PRRC2B: variants seen among roughly 807,000 people sequenced by gnomAD.
The protein encoded by PRRC2B is protein PRRC2B.
PRRC2B carries 68 observed loss-of-function variants against 242.3 expected under a neutral mutation model. That is an observed-to-expected ratio of 0.28 (90% CI 0.23 to 0.34). The LOEUF is 0.34. Ranked by LOEUF, PRRC2B falls within the 10% of genes least tolerant of loss-of-function variation. The pLI is 1.00. For synonymous variants in PRRC2B, 1,228 were observed against 1,173.6 expected (o/e 1.05, Z -0.95); for missense variants, 2,835 against 2,954.8 (o/e 0.96, Z 0.94).
chr9:131,462,470 C>T (rs1281528856), intron 11 of PRRC2B, among the ~76,000 whole-genome samples: 1 of 151,818 alleles, frequency 6.6e-6, no homozygotes, highest in African/African-American at 2.4e-5. Context: ...ACCTCGGCCT[C>T]CCAAAGTGCT....
At position 131,378,731 on chromosome 9, in the gene PRRC2B, T is replaced by G. The variant is rs572762404; in HGVS notation, c.-56+5000T>G. Among the ~76,000 whole-genome samples the G allele has an allele frequency of 1.4e-4, 22 of 152,306 alleles. 1 individual carries two copies. Among genetic ancestry groups the G allele is most frequent in the Admixed American group, 1.2e-3 (18 of 15,282 alleles). On this transcript the variant is annotated intron_variant, in intron 1 of 1. Transcript: ENST00000682525. ...TTTGTTTTGTTTTTGTTTTTGTTTT[T>G]TTAATTGAGATACAGTCTTACTCTG...
Position 131,477,769 on chromosome 9 carries a change from G to T in PRRC2B, c.4432G>T (p.Gly1478Cys). 1 of 1,609,552 alleles carries T rather than the reference G, an allele frequency of 6.2e-7. No homozygotes were observed. The stretch of plus-strand genomic sequence containing the variant: ...ATCCCCAGACGAGGCCTTGCCTGGA[G>T]GTCTTAGTGGCTGCAGCAGTGGGAG... ...KRSPDEALPG[G>C]LSGCSSGSGH... Residue 1478 changes from glycine (G) to cysteine (C), a missense_variant, in exon 17 of 32, where the codon GGT (glycine) becomes TGT (cysteine). Gly to Cys is a radical substitution (Grantham distance 159, BLOSUM62 -3). This residue lies in a region of PRRC2B where 1,536 missense variants were observed against 1,483.1 expected (regional missense o/e 1.04). Transcript: ENST00000683519.
chr9:131,467,957 C>T (rs998774836), intron 13 of PRRC2B, among the ~76,000 whole-genome samples: 12 of 152,186 alleles, frequency 7.9e-5, no homozygotes, highest in African/African-American at 2.7e-4. Context: ...TTATTTATTT[C>T]TCTGAGTGGT....
At chr9:131,465,330 G>A (rs562248293) in intron 12 of PRRC2B, among the ~76,000 whole-genome samples, 15 of 152,118 alleles carry the variant, frequency 9.9e-5, no homozygotes, top group Non-Finnish European at 1.9e-4. Context: ...GAGATTTGGG[G>A]TATGAATGAT....
In PRRC2B at chr9:131,446,554, G is replaced by A. The variant is rs190045414; in HGVS notation, c.767G>A (p.Arg256His). 5,546 of 1,613,806 alleles carry A rather than the reference G, an allele frequency of 3.4e-3. 18 individuals carry two copies. The highest frequency in any genetic ancestry group is 4.3e-3 in the Non-Finnish European group (5,025 of 1,179,804). The change falls in exon 7 of 32, where the codon CGC becomes CAC. Residue 256 changes from arginine to histidine, a missense_variant. Around this residue, in one of 7 missense-constraint regions of PRRC2B, gnomAD observed 626 missense variants for 685.5 expected, o/e 0.91. Coordinates refer to ENST00000683519, the MANE Select transcript of PRRC2B (RefSeq NM_013318.4). The surrounding 1 kb of genome is among the most constrained non-coding windows in gnomAD (Gnocchi z 4.1). ...AGCGATTCTAAGGACCCCTCTCTCC[G>A]CCCGGCTCAGCCTGTCCGAAAAGGG... ...CTSDSKDPSL[R>H]PAQPVRKGAS...
chr9:131,470,766 GTCTC>G lies in PRRC2B; in HGVS notation c.1912-12_1912-9del, dbSNP rs143595904. The stretch of plus-strand genomic sequence containing the variant: ...TCCCTGGCCGCACCAGCCTGACCAA[GTCTC>G]TCTCTCTCTGTGGGCAGGAGCAGCT... On this transcript the variant is annotated intron_variant, in intron 13 of 31. Coordinates refer to ENST00000683519, the MANE Select transcript of PRRC2B (RefSeq NM_013318.4). The G allele has an allele frequency of 7.6e-6, 12 of 1,577,670 alleles. No individual in the cohort carries two copies. Among genetic ancestry groups the G allele is most frequent in the African/African-American group, 2.7e-5 (2 of 73,812 alleles).
chr9:131,476,557 GC>G, intron 16 of PRRC2B, 22 bp downstream of exon 16: 21 of 1,551,382 alleles, frequency 1.4e-5, no homozygotes, highest in Non-Finnish European at 1.8e-5. Flanking sequence ...CACCATCTGG[GC>G]CCTTTTTGTT....
intron 1 of PRRC2B, among the ~76,000 whole-genome samples, chr9:131,408,526 C>T (rs74614874): frequency 1.3e-5 from 2 of 152,104 alleles, no homozygotes; most frequent in Non-Finnish European, 2.9e-5. Context: ...CTAAACAGAA[C>T]TTATGTATAT....
chr9:131,448,370 C>G (rs2131391754), intron 9 of PRRC2B, among the ~76,000 whole-genome samples: 1 of 151,304 alleles, frequency 6.6e-6, no homozygotes, highest in East Asian at 1.9e-4. Context: ...ATGGTGAAAC[C>G]CTGTCTCTAC....
intron 4 of PRRC2B, 91 bp from the exon 5 acceptor site, chr9:131,438,898 T>G: frequency 1.0e-6 from 1 of 955,306 alleles, no homozygotes; most frequent in Non-Finnish European, 1.7e-6. Flanking sequence ...GAATCTAAGG[T>G]GCTGGCCTCT....
Position 131,475,129 on chromosome 9 carries a change from C to T in PRRC2B, c.3000C>T (p.Thr1000=). Residue 1000 remains threonine (T), a synonymous_variant, in exon 16 of 32, where the codon ACC becomes ACT. Coordinates refer to ENST00000683519, the MANE Select transcript of PRRC2B (RefSeq NM_013318.4). ...ENDASLANSS[T]TTLEDKGPGH... is the part of the protein sequence containing the mutation. The stretch of plus-strand genomic sequence containing the variant: ...ATGCCTCTCTGGCCAACTCCTCCAC[C>T]ACCACTTTGGAGGACAAAGGCCCTG... 6.2e-7 allele frequency: 1 copy of T among 1,612,538 alleles called. No homozygotes were observed. Among genetic ancestry groups the T allele is most frequent in the Non-Finnish European group, 8.5e-7 (1 of 1,179,282 alleles).
intron 1 of PRRC2B, among the ~76,000 whole-genome samples, chr9:131,427,802 A>T (rs565718875): frequency 1.6e-4 from 25 of 152,346 alleles, no homozygotes; most frequent in African/African-American, 6.0e-4. Flanking sequence ...AAAATGGGGA[A>T]TTATAGTTGT....
intron 28 of PRRC2B, chr9:131,490,368 C>A: frequency 2.0e-6 from 1 of 493,906 alleles, no homozygotes; most frequent in Non-Finnish European, 4.1e-6. Context: ...CCCTGCAAGT[C>A]AGATCATACC....
Position 131,491,432 on chromosome 9 carries a change from T to A in PRRC2B, c.6233T>A (p.Met2078Lys). The stretch of plus-strand genomic sequence containing the variant: ...GTCATTGTCGCCCAGCAGCTGACCA[T>A]GCCACTGCCTCGGTACGGCTCCGGG... ...MLDSQLPQLTMPLPRYGSGQQ... is the reference protein window; with the variant it reads ...MLDSQLPQLTKPLPRYGSGQQ... Residue 2078 changes from methionine to lysine, a missense_variant, in exon 29 of 32, where the codon ATG becomes AAG. Coordinates refer to ENST00000683519, the MANE Select transcript of PRRC2B (RefSeq NM_013318.4). The A allele has an allele frequency of 6.3e-7, 1 of 1,599,012 alleles. No individual in the cohort carries two copies. Among genetic ancestry groups the A allele is most frequent in the Non-Finnish European group, 8.5e-7 (1 of 1,173,180 alleles).
intron 10 of PRRC2B, 23 bp downstream of exon 10, chr9:131,455,189 T>TGA (rs764599813): frequency 6.6e-7 from 1 of 1,516,558 alleles, no homozygotes; most frequent in Non-Finnish European, 9.1e-7. Context: ...TCCTGCCCTA[T>TGA]CAGCATGAGT....
chr9:131,475,049 G>A lies in PRRC2B; in HGVS notation c.2920G>A (p.Ala974Thr), dbSNP rs774443371. 6.2e-7 allele frequency: 1 copy of A among 1,608,650 alleles called. No individual in the cohort carries two copies. The highest frequency in any genetic ancestry group is 1.1e-5 in the South Asian group (1 of 90,144). The change falls in exon 16 of 32, where the codon GCC (alanine) becomes ACC (threonine). Residue 974 changes from alanine to threonine, a missense_variant. Coordinates refer to ENST00000683519, the MANE Select transcript of PRRC2B (RefSeq NM_013318.4). The stretch of plus-strand genomic sequence containing the variant: ...GCTAGGGGAGGAGAGTACCCGGCTG[G>A]CCAAGGAGAAGGAGCAGAGCCCCAC... ...QELGEESTRL[A>T]KEKEQSPTAE...
At chr9:131,429,643 C>T (rs114754854) in intron 1 of PRRC2B, among the ~76,000 whole-genome samples, 149 of 152,206 alleles carry the variant, frequency 9.8e-4, no homozygotes, top group African/African-American at 3.3e-3. Flanking sequence ...GATGAACAGC[C>T]GTGGTGTAAG....
chr9:131,395,494 CTG>C (rs1359754776), intron 1 of PRRC2B, among the ~76,000 whole-genome samples: 2 of 152,142 alleles, frequency 1.3e-5, no homozygotes, highest in Non-Finnish European at 2.9e-5. Flanking sequence ...CCTAGTGACT[CTG>C]GGGCTGTCTG....
At position 131,475,971 on chromosome 9, in the gene PRRC2B, CCTT is replaced by C; in HGVS notation, c.3847_3849del (p.Phe1283del). ...GACAGCCGCGCGGAGGACAAGAGAT[CCTT>C]CTTCCAAGATGAACACGTGGCAGAT... On this transcript the variant is annotated inframe_deletion, in exon 16 of 32. Coordinates refer to ENST00000683519, the MANE Select transcript of PRRC2B (RefSeq NM_013318.4). The C allele has an allele frequency of 1.2e-6, 2 of 1,611,506 alleles. No individual in the cohort carries two copies.
Sources: allele counts gnomAD v4.1 joint callset (sites outside exome capture counted in the v4.1 genomes callset), GRCh38; gene constraint gnomAD v4.1.1; regional missense constraint gnomAD v4.1.1; non-coding constraint Gnocchi (gnomAD v3.1); transcripts MANE v1.5; gene names NCBI Gene and HGNC (gene_info 2026-07-23, HGNC 2026-07-21).